Variants in CNTN1 observed in about 807,000 individuals in gnomAD.
CNTN1 encodes contactin-1.
In CNTN1, 38 loss-of-function variants were observed where a neutral mutation model predicts 126.4. The observed-to-expected ratio is 0.30, with a 90% CI of 0.23 to 0.39. The LOEUF (loss-of-function observed/expected upper bound fraction) is 0.39, where lower values mean the gene tolerates loss of function less well. Among genes scored for constraint, CNTN1 ranks in the 10% least tolerant of loss-of-function variants. The pLI, the probability that CNTN1 is intolerant of heterozygous loss-of-function variation, is 1.00. For missense variants in CNTN1, 1,009 were observed against 1,248.4 expected (o/e 0.81, Z 2.89); for synonymous variants, 413 against 422.6 (o/e 0.98, Z 0.28).
chr12:40,998,347 A>T (rs1180603224), intron 17 of CNTN1, among the ~76,000 whole-genome samples: 1 of 152,156 alleles, frequency 6.6e-6, no homozygotes, highest in African/African-American at 2.4e-5. Flanking sequence ...CATTTTCCCC[A>T]ACTGACTTAT....
intron 1 of CNTN1, among the ~76,000 whole-genome samples, chr12:40,695,550 C>T (rs749270492): frequency 3.3e-5 from 5 of 152,064 alleles, no homozygotes; most frequent in African/African-American, 4.8e-5. Context: ...CTCCAATTTC[C>T]ATCTATTTCT....
At chr12:40,797,974 T>C (rs567441712) in intron 1 of CNTN1, among the ~76,000 whole-genome samples, 1 of 152,156 alleles carries the variant, frequency 6.6e-6, no homozygotes, top group African/African-American at 2.4e-5. Context: ...CCTGTATATA[T>C]ACCCGAGTGT....
intron 1 of CNTN1, among the ~76,000 whole-genome samples, chr12:40,896,697 A>G (rs765933200): frequency 9.2e-5 from 14 of 152,174 alleles, no homozygotes; most frequent in Admixed American, 7.2e-4. Flanking sequence ...GTCCTCAAAT[A>G]TATTTTTTCT....
At chr12:40,926,224 T>TAG in intron 6 of CNTN1, among the ~76,000 whole-genome samples, 1 of 83,284 alleles carries the variant, frequency 1.2e-5, no homozygotes, top group African/African-American at 4.3e-5. Flanking sequence ...TAGATAGATA[T>TAG]AATGCAGGGA....
chr12:40,738,883 C>T (rs1344135215), intron 1 of CNTN1, among the ~76,000 whole-genome samples: 1 of 151,996 alleles, frequency 6.6e-6, no homozygotes, highest in East Asian at 1.9e-4. Flanking sequence ...CACTCTGGAG[C>T]TCAATCTGGC....
intron 15 of CNTN1, chr12:40,971,626 C>T: frequency 6.7e-7 from 1 of 1,493,580 alleles, no homozygotes; most frequent in Non-Finnish European, 8.8e-7. Flanking sequence ...CAACCTAGTT[C>T]TTAGAGTATG....
intron 1 of CNTN1, among the ~76,000 whole-genome samples, chr12:40,810,843 T>C (rs1941033220): frequency 6.6e-6 from 1 of 152,074 alleles, no homozygotes; most frequent in Non-Finnish European, 1.5e-5. Flanking sequence ...TAGTAAGACC[T>C]CATATCTACC....
rs1465291224 is a variant in CNTN1, at chr12:40,947,774, TATATATATACAC to T, written c.1683+3606_1683+3617del. Among the ~76,000 whole-genome samples the T allele has an allele frequency of 3.0e-3, 244 of 81,212 alleles. 5 individuals carry two copies. Among genetic ancestry groups the T allele is most frequent in the African/African-American group, 0.011 (233 of 20,418 alleles). 53.3% of individuals were successfully genotyped at this position (81,212 alleles called of 152,430 possible). Reference sequence around the variant, plus strand: ...AGATTGTCACTATTTCATATATATATATATATATACACACACACACACACACACACACACACA... The same window carrying T: ...AGATTGTCACTATTTCATATATATATACACACACACACACACACACACACA... On this transcript the variant is annotated intron_variant, in intron 14 of 23. Transcript: ENST00000551295.
intron 1 of CNTN1, among the ~76,000 whole-genome samples, chr12:40,707,221 CT>C (rs1565626426): frequency 8.4e-6 from 1 of 119,450 alleles, no homozygotes; most frequent in Admixed American, 8.4e-5. Flanking sequence ...CATTTCTTTT[CT>C]TTTTCTTTTT....
intron 14 of CNTN1, among the ~76,000 whole-genome samples, chr12:40,955,809 C>T (rs1249566493): frequency 2.6e-5 from 4 of 152,066 alleles, no homozygotes; most frequent in Non-Finnish European, 5.9e-5. Context: ...TCCAGCCTTA[C>T]AATTTCAGAT....
intron 1 of CNTN1, among the ~76,000 whole-genome samples, chr12:40,866,664 TG>T (rs1216451898): frequency 6.6e-6 from 1 of 152,206 alleles, no homozygotes; most frequent in Non-Finnish European, 1.5e-5. Context: ...AAATCTCACT[TG>T]GCTATGATGT....
At chr12:41,012,452 G>C (rs777646616) in intron 17 of CNTN1, among the ~76,000 whole-genome samples, 6 of 152,178 alleles carry the variant, frequency 3.9e-5, no homozygotes, top group Non-Finnish European at 8.8e-5. Flanking sequence ...AATTATGATA[G>C]GAAAGTTGGA....
rs1941326339 is a variant in CNTN1 at position 40,692,544 on chromosome 12, G to A, written c.-125G>A. 6.6e-6 allele frequency: 1 copy of A among 152,508 alleles called. No homozygotes were observed. Among genetic ancestry groups the A allele is most frequent in the African/African-American group, 2.4e-5 (1 of 41,480 alleles). 9.4% of individuals were successfully genotyped at this position (152,508 alleles called of 1,614,324 possible). On this transcript the variant is annotated 5_prime_UTR_variant, in exon 1 of 24. It removes the in-frame stop codon of an upstream open reading frame in the 5' UTR. Coordinates refer to ENST00000551295, the MANE Select transcript of CNTN1 (RefSeq NM_001843.4). ...TTGCAGCGGAAGTGGGAAACCTGTA[G>A]GGTATGGTCCAGCTGTGCCGCACCG...
intron 1 of CNTN1, among the ~76,000 whole-genome samples, chr12:40,739,117 T>C (rs1450831705): frequency 6.6e-6 from 1 of 152,034 alleles, no homozygotes; most frequent in Non-Finnish European, 1.5e-5. Flanking sequence ...CAGGGGATTC[T>C]AGTGTGCAGT....
At chr12:41,002,283 T>C (rs956009562) in intron 17 of CNTN1, among the ~76,000 whole-genome samples, 4 of 151,422 alleles carry the variant, frequency 2.6e-5, no homozygotes, top group African/African-American at 7.2e-5. Context: ...GGAATGTTTT[T>C]CCATTTGTTT....
intron 23 of CNTN1, among the ~76,000 whole-genome samples, chr12:41,068,608 AT>A (rs1039260379): frequency 1.3e-5 from 2 of 152,156 alleles, no homozygotes; most frequent in African/African-American, 4.8e-5. Context: ...TGTGCTTTTA[AT>A]GACCAGAGAT....
At chr12:41,033,877 A>C (rs1949198855) in intron 23 of CNTN1, among the ~76,000 whole-genome samples, 1 of 138,336 alleles carries the variant, frequency 7.2e-6, no homozygotes, top group South Asian at 2.2e-4. Context: ...TCTCTACTAA[A>C]AATACAAAAA....
chr12:40,843,746 G>T (rs1942379415), intron 1 of CNTN1, among the ~76,000 whole-genome samples: 1 of 152,108 alleles, frequency 6.6e-6, no homozygotes, highest in East Asian at 1.9e-4. Context: ...CAAGGATCTA[G>T]ACCAAAAAGA....
chr12:41,048,667 A>G (rs1949601591), intron 23 of CNTN1, among the ~76,000 whole-genome samples: 1 of 152,082 alleles, frequency 6.6e-6, no homozygotes, highest in Non-Finnish European at 1.5e-5. Flanking sequence ...TAAGGGGGGA[A>G]AATACAAATA....
Sources: allele counts gnomAD v4.1 joint callset (sites outside exome capture counted in the v4.1 genomes callset), GRCh38; gene constraint gnomAD v4.1.1; transcripts MANE v1.5; gene names NCBI Gene and HGNC (gene_info 2026-07-23, HGNC 2026-07-21).